Variants in NPR3 observed in about 807,000 individuals in gnomAD.
The protein encoded by NPR3 is natriuretic peptide receptor 3.
Under a neutral mutation model 54.5 loss-of-function variants are expected in NPR3, and 34 were observed. The observed-to-expected ratio is 0.62, with a 90% CI of 0.47 to 0.83. NPR3 has a LOEUF of 0.83. NPR3 is among the 40% of genes least tolerant of loss of function. The probability of loss-of-function intolerance (pLI) is 0.00; values close to 1 mark genes in which losing one functional copy is unlikely to be tolerated. For missense variants in NPR3, 674 were observed against 720.8 expected (o/e 0.94, Z 0.74); for synonymous variants, 289 against 297.1 (o/e 0.97, Z 0.28).
chr5:32,784,659 T>A (rs1742514009), intron 6 of NPR3, 137 bp from the exon 7 acceptor site: 1 of 652,938 alleles, frequency 1.5e-6, no homozygotes, highest in Admixed American at 2.6e-5. Flanking sequence ...AAGTGTAGGG[T>A]CCCTTAGAAA....
chr5:32,701,844 T>C (rs190300616), intron 1 of NPR3, among the ~76,000 whole-genome samples: 1 of 152,230 alleles, frequency 6.6e-6, no homozygotes, highest in Non-Finnish European at 1.5e-5. Flanking sequence ...GCAGAGACTC[T>C]TCTTCTCTTC....
intron 1 of NPR3, among the ~76,000 whole-genome samples, chr5:32,715,815 C>T (rs1738517876): frequency 6.6e-6 from 1 of 152,176 alleles, no homozygotes. Context: ...ATGTGAAGAA[C>T]TGTAGTTTTA....
intron 1 of NPR3, among the ~76,000 whole-genome samples, chr5:32,719,080 C>T (rs942382499): frequency 5.3e-5 from 8 of 152,266 alleles, no homozygotes; most frequent in Admixed American, 2.0e-4. Flanking sequence ...TGAATTTTAT[C>T]GAAGGCCTTT....
chr5:32,782,669 A>G (rs1223679922), intron 5 of NPR3, among the ~76,000 whole-genome samples: 1 of 152,120 alleles, frequency 6.6e-6, no homozygotes. Context: ...AGTCCCCAGA[A>G]CACACCATGA....
At chr5:32,743,386 C>G (rs890418235) in intron 3 of NPR3, among the ~76,000 whole-genome samples, 2 of 150,496 alleles carry the variant, frequency 1.3e-5, no homozygotes, top group Admixed American at 6.7e-5. Flanking sequence ...TACCTATACT[C>G]TTTGTATGTG....
chr5:32,729,014 GTTTTTTTTTTTTTTTGTTTTGT>G (rs1739307612), intron 2 of NPR3, among the ~76,000 whole-genome samples: 1 of 98,530 alleles, frequency 1.0e-5, no homozygotes, highest in Non-Finnish European at 2.0e-5. Flanking sequence ...GTGCCTGTGT[GTTTTTTTTTTTTTTTGTTTTGT>G]TTTTTTTTTT....
intron 1 of NPR3, among the ~76,000 whole-genome samples, chr5:32,698,632 CT>C (rs1212809220): frequency 6.6e-6 from 1 of 152,066 alleles, no homozygotes; most frequent in Non-Finnish European, 1.5e-5. Flanking sequence ...CTCTAATAAT[CT>C]TTGCTTTATA....
At chr5:32,765,573 G>C (rs1193680033) in intron 3 of NPR3, among the ~76,000 whole-genome samples, 1 of 152,180 alleles carries the variant, frequency 6.6e-6, no homozygotes, top group African/African-American at 2.4e-5. Context: ...AGATACCTGA[G>C]GTTTGGCTTG....
chr5:32,692,427 A>G (rs1740416066), intron 1 of NPR3, among the ~76,000 whole-genome samples: 2 of 152,230 alleles, frequency 1.3e-5, no homozygotes, highest in Admixed American at 6.5e-5. Context: ...AGGATAGATG[A>G]GGCACAAAGA....
chr5:32,744,807 T>C (rs1313088821), intron 3 of NPR3, among the ~76,000 whole-genome samples: 2 of 152,120 alleles, frequency 1.3e-5, no homozygotes, highest in African/African-American at 2.4e-5. Context: ...GCAGCACACC[T>C]CTTGGGTTGT....
Position 32,787,048 on chromosome 5 carries a change from C to T in NPR3, c.*703C>T, listed in dbSNP as rs1327642963. The T allele has an allele frequency of 2.0e-5, 3 of 151,352 alleles. No homozygotes were observed. Among genetic ancestry groups the T allele is most frequent in the African/African-American group, 7.3e-5 (3 of 41,052 alleles). The allele number at this position is 151,352 out of a possible 1,614,324, so 9.4% of individuals were successfully genotyped here. On this transcript the variant is annotated 3_prime_UTR_variant, in exon 8 of 8. Coordinates refer to ENST00000265074, the MANE Select transcript of NPR3 (RefSeq NM_001204375.2). Reference sequence around the variant, plus strand: ...TGTAAAAAAAAAAAGCCCTATTTCGCACTAACATTTTATTTTACAAGTATT... The same window carrying T: ...TGTAAAAAAAAAAAGCCCTATTTCGTACTAACATTTTATTTTACAAGTATT...
intron 3 of NPR3, among the ~76,000 whole-genome samples, chr5:32,751,762 T>A (rs776163747): frequency 3.3e-5 from 5 of 152,302 alleles, no homozygotes; most frequent in East Asian, 3.9e-4. Context: ...AGGTGGTTTA[T>A]CTAGCCAAGG....
chr5:32,736,025 G>A (rs1051684878), intron 2 of NPR3, among the ~76,000 whole-genome samples: 1 of 152,082 alleles, frequency 6.6e-6, no homozygotes, highest in Non-Finnish European at 1.5e-5. Flanking sequence ...GAGGTCAGGA[G>A]TTTGAAACCA....
At chr5:32,761,387 G>A (rs903110176) in intron 3 of NPR3, among the ~76,000 whole-genome samples, 62 of 152,026 alleles carry the variant, frequency 4.1e-4, no homozygotes, top group Non-Finnish European at 6.9e-4. Flanking sequence ...TAAAGATCCT[G>A]CACATTTCTG....
In NPR3 at chr5:32,788,815, A is replaced by G. The variant is rs1294085845; in HGVS notation, c.*2470A>G. On this transcript the variant is annotated 3_prime_UTR_variant, in exon 8 of 8. Transcript: ENST00000265074. ...CTATACCAATTTAAAATCAATTCTT[A>G]TGTTAATATTGATTGCTTATTTACA... 2 of 152,194 alleles carry G rather than the reference A, an allele frequency of 1.3e-5. No homozygotes were observed. The highest frequency in any genetic ancestry group is 2.9e-5 in the Non-Finnish European group (2 of 68,028). 9.4% of individuals were successfully genotyped at this position (152,194 alleles called of 1,614,324 possible).
chr5:32,739,110 C>T, intron 3 of NPR3, 80 bp downstream of exon 3: 1 of 1,364,222 alleles, frequency 7.3e-7, no homozygotes, highest in Non-Finnish European at 1.0e-6. Flanking sequence ...CAGAGTGTCC[C>T]ATTCTGAGCC....
At chr5:32,727,374 T>C (rs959700117) in intron 2 of NPR3, among the ~76,000 whole-genome samples, 1 of 152,218 alleles carries the variant, frequency 6.6e-6, no homozygotes, top group Admixed American at 6.5e-5. Context: ...GTGATCTGCC[T>C]GCCTCAGCCT....
chr5:32,730,957 GA>G (rs1248551669), intron 2 of NPR3, among the ~76,000 whole-genome samples: 1 of 152,092 alleles, frequency 6.6e-6, no homozygotes, highest in African/African-American at 2.4e-5. Context: ...TAGATGTAAG[GA>G]AGATTATTCT....
chr5:32,736,254 A>G (rs1739745337), intron 2 of NPR3, among the ~76,000 whole-genome samples: 1 of 151,652 alleles, frequency 6.6e-6, no homozygotes, highest in Non-Finnish European at 1.5e-5. Context: ...AAAAAGAAAA[A>G]AAAAAGGAAA....
Sources: gnomAD v4.1 joint callset for allele counts (sites outside exome capture counted in the v4.1 genomes callset) on GRCh38, gnomAD v4.1.1 for gene constraint, MANE v1.5 for transcripts, NCBI Gene and HGNC (gene_info 2026-07-23, HGNC 2026-07-21) for gene names.